BAZ2B: variants seen among roughly 807,000 people sequenced by gnomAD.
BAZ2B encodes bromodomain adjacent to zinc finger domain protein 2B.
BAZ2B carries 91 observed loss-of-function variants against 246.0 expected under a neutral mutation model. The ratio of observed to expected loss-of-function variants is 0.37; its 90% CI spans 0.31 to 0.44. The LOEUF is 0.44. Ranked by LOEUF, BAZ2B falls within the 20% of genes least tolerant of loss-of-function variation. The probability of loss-of-function intolerance (pLI) is 1.00; values close to 1 mark genes in which losing one functional copy is unlikely to be tolerated. For missense variants in BAZ2B, 2,332 were observed against 2,533.7 expected (o/e 0.92, Z 1.71); for synonymous variants, 855 against 860.0 (o/e 0.99, Z 0.10).
chr2:159,480,210 T>C (rs1203834754), intron 2 of BAZ2B, among the ~76,000 whole-genome samples: 1 of 152,080 alleles, frequency 6.6e-6, no homozygotes, highest in Non-Finnish European at 1.5e-5. Context: ...GTAACCTCAT[T>C]GTCTTCAAGA....
intron 1 of BAZ2B, among the ~76,000 whole-genome samples, chr2:159,604,780 G>A (rs1456715476): frequency 6.6e-6 from 1 of 152,082 alleles, no homozygotes; most frequent in Non-Finnish European, 1.5e-5. Flanking sequence ...TAAAAGGACA[G>A]TTTTACTAGC....
At chr2:159,494,780 C>T (rs948065328) in intron 2 of BAZ2B, among the ~76,000 whole-genome samples, 1 of 152,202 alleles carries the variant, frequency 6.6e-6, no homozygotes, top group African/African-American at 2.4e-5. Context: ...TTTATGAAAA[C>T]ATCTGATGTT....
chr2:159,353,484 G>A (rs895124901), intron 27 of BAZ2B, among the ~76,000 whole-genome samples: 2 of 152,334 alleles, frequency 1.3e-5, no homozygotes, highest in East Asian at 3.9e-4. Flanking sequence ...TCCCTAAGAT[G>A]AGAAGATGCA....
intron 8 of BAZ2B, chr2:159,434,881 A>G (rs2071898607): frequency 6.6e-6 from 1 of 152,076 alleles, no homozygotes; most frequent in South Asian, 2.1e-4. Flanking sequence ...TTATGTCTAT[A>G]AACAAAAACT....
chr2:159,357,876 G>A (rs1324175226), intron 27 of BAZ2B, among the ~76,000 whole-genome samples: 2 of 152,126 alleles, frequency 1.3e-5, no homozygotes, highest in Non-Finnish European at 2.9e-5. Context: ...AGCTTCATAA[G>A]CGAAGGAGAA....
chr2:159,415,306 G>A (rs372888428), intron 13 of BAZ2B, among the ~76,000 whole-genome samples: 13 of 151,904 alleles, frequency 8.6e-5, no homozygotes, highest in Admixed American at 4.6e-4. Context: ...TTAGCCGGGC[G>A]TGGTGGTGTG....
chr2:159,652,125 C>T, the BAZ2B span, among the ~76,000 whole-genome samples: 50 of 152,152 alleles, frequency 3.3e-4, no homozygotes, highest in Non-Finnish European at 5.9e-4. Flanking sequence ...AGACTGCTTT[C>T]CAAACTGGCT....
intron 1 of BAZ2B, among the ~76,000 whole-genome samples, chr2:159,599,829 G>C (rs556107634): frequency 6.6e-6 from 1 of 150,560 alleles, no homozygotes; most frequent in Admixed American, 6.6e-5. Flanking sequence ...CCAGCTACTC[G>C]GGAGGCTGAG....
intron 2 of BAZ2B, among the ~76,000 whole-genome samples, chr2:159,507,895 G>C (rs1461986020): frequency 6.6e-6 from 1 of 152,040 alleles, no homozygotes; most frequent in Non-Finnish European, 1.5e-5. Context: ...TATTTATTTA[G>C]AGTCTCCCTC....
At chr2:159,392,423 T>C (rs1191000983) in intron 20 of BAZ2B, among the ~76,000 whole-genome samples, 1 of 152,104 alleles carries the variant, frequency 6.6e-6, no homozygotes, top group Non-Finnish European at 1.5e-5. Context: ...TCCATATAAC[T>C]TATTATAGCA....
At chr2:159,335,040 A>G (rs1360272288) in intron 33 of BAZ2B, among the ~76,000 whole-genome samples, 1 of 152,114 alleles carries the variant, frequency 6.6e-6, no homozygotes, top group Non-Finnish European at 1.5e-5. Context: ...CCTCTGGAGT[A>G]GCTGGGACTA....
At chr2:159,550,511 C>CG (rs2088022604) in intron 2 of BAZ2B, among the ~76,000 whole-genome samples, 1 of 152,016 alleles carries the variant, frequency 6.6e-6, no homozygotes, top group East Asian at 1.9e-4. Flanking sequence ...AAAATTTAGC[C>CG]AGATTACTAT....
chr2:159,495,087 G>T (rs978769977), intron 2 of BAZ2B, among the ~76,000 whole-genome samples: 1 of 152,064 alleles, frequency 6.6e-6, no homozygotes, highest in Non-Finnish European at 1.5e-5. Flanking sequence ...AAATAAGTAA[G>T]ATATGCAGTT....
intron 31 of BAZ2B, 108 bp from the exon 32 acceptor site, chr2:159,337,880 G>T: frequency 9.5e-7 from 1 of 1,056,788 alleles, no homozygotes; most frequent in Non-Finnish European, 1.3e-6. Flanking sequence ...CTCAAGGATT[G>T]TTACTAAAAG....
chr2:159,348,679 A>G lies in BAZ2B; in HGVS notation c.5292T>C (p.Asp1764=), dbSNP rs377483363. ...YITQACLKNK[D]VAIIELNENE... is the part of the protein sequence containing the mutation. Reference sequence around the variant, plus strand: ...CTGAAATATCTTTTAGGTACACACCATCCTTATTCTTGAGGCAGGCTTGAG... The same window carrying G: ...CTGAAATATCTTTTAGGTACACACCGTCCTTATTCTTGAGGCAGGCTTGAG... The change falls in exon 30 of 37, where the codon GAT becomes GAC. Residue 1764 remains aspartate (D), a splice_region_variant and synonymous_variant. Coordinates refer to ENST00000392783, the MANE Select transcript of BAZ2B (RefSeq NM_013450.4). 2.9e-5 allele frequency: 46 copies of G among 1,595,158 alleles called. No homozygotes were observed. The African/African-American group carries it at 4.9e-4, about 17-fold the overall frequency.
rs145911008 is a variant in BAZ2B, at chr2:159,470,049, T to C, written c.145+8526A>G. ...ATTCAACAGTGCTTTATTTCTATAC[T>C]TGCTTTCTGCATGACCAACACTATT... On this transcript the variant is annotated intron_variant, in intron 3 of 36. Coordinates refer to ENST00000392783, the MANE Select transcript of BAZ2B (RefSeq NM_013450.4). Among the ~76,000 whole-genome samples the C allele has an allele frequency of 1.5e-3, 233 of 152,358 alleles. 2 individuals are homozygous for C. Among genetic ancestry groups the C allele is most frequent in the African/African-American group, 5.4e-3 (225 of 41,570 alleles).
At chr2:159,601,005 C>A (rs569105405) in intron 1 of BAZ2B, among the ~76,000 whole-genome samples, 18 of 152,318 alleles carry the variant, frequency 1.2e-4, no homozygotes, top group African/African-American at 4.3e-4. Flanking sequence ...CTCCCACTCA[C>A]ATCTTCAGGT....
At chr2:159,470,878 T>TA (rs1172141496) in intron 3 of BAZ2B, among the ~76,000 whole-genome samples, 4 of 152,132 alleles carry the variant, frequency 2.6e-5, no homozygotes, top group Non-Finnish European at 2.9e-5. Flanking sequence ...AACCTCTATG[T>TA]AAAATGTATA....
chr2:159,702,912 C>A, the BAZ2B span, among the ~76,000 whole-genome samples: 1 of 151,686 alleles, frequency 6.6e-6, no homozygotes, highest in Non-Finnish European at 1.5e-5. Context: ...TGGTGGCAGG[C>A]ACCTGTAGTC....
Sources: gnomAD v4.1 joint callset for allele counts (sites outside exome capture counted in the v4.1 genomes callset) on GRCh38, gnomAD v4.1.1 for gene constraint, MANE v1.5 for transcripts, NCBI Gene and HGNC (gene_info 2026-07-23, HGNC 2026-07-21) for gene names.